Variants in SPATA6 observed in about 807,000 individuals in gnomAD.
SPATA6 encodes spermatogenesis associated 6, also known as spermatogenesis-associated protein 6.
SPATA6 carries 56 observed loss-of-function variants against 65.3 expected under a neutral mutation model. The observed-to-expected ratio is 0.86, with a 90% confidence interval of 0.69 to 1.07. The LOEUF (loss-of-function observed/expected upper bound fraction) is 1.07, where lower values mean the gene tolerates loss of function less well. Ranked by LOEUF, SPATA6 falls within the 50% of genes least tolerant of loss-of-function variation. The pLI is 0.00. For synonymous variants in SPATA6, 199 were observed against 213.2 expected, an observed-to-expected ratio of 0.93 and a Z score of 0.58; for missense variants, 590 against 594.8, an observed-to-expected ratio of 0.99 and a Z score of 0.08.
Position 48,395,228 on chromosome 1 carries a change from G to C in SPATA6, c.868+39C>G, listed in dbSNP as rs758546175. 20 of 1,438,024 alleles carry C rather than the reference G, an allele frequency of 1.4e-5. No individual in the cohort carries two copies. In the Admixed American group the frequency reaches 4.7e-4, roughly 34 times the overall value. The allele number at this position is 1,438,024 out of a possible 1,614,324, so 89.1% of individuals were successfully genotyped here. ...AAATTAAAGGCTTGATTGTAGCTCAGGCAACTACAGCAATGAATAAAGACA... is the reference window on the plus strand; with the variant it reads ...AAATTAAAGGCTTGATTGTAGCTCACGCAACTACAGCAATGAATAAAGACA... On this transcript the variant is annotated intron_variant, in intron 8 of 12. Coordinates refer to ENST00000371847, the MANE Select transcript of SPATA6 (RefSeq NM_019073.4).
chr1:48,395,816 C>A (rs1419258332), intron 7 of SPATA6, among the ~76,000 whole-genome samples: 2 of 151,702 alleles, frequency 1.3e-5, no homozygotes, highest in Non-Finnish European at 2.9e-5. Context: ...TAATAGTTAA[C>A]CACATTTCCT....
intron 7 of SPATA6, among the ~76,000 whole-genome samples, chr1:48,397,798 T>C (rs1228386487): frequency 6.6e-6 from 1 of 151,694 alleles, no homozygotes; most frequent in Non-Finnish European, 1.5e-5. Context: ...TTTCTGTTTA[T>C]TGAAAAGCTA....
At chr1:48,450,500 C>A (rs1038586891) in intron 3 of SPATA6, among the ~76,000 whole-genome samples, 1 of 152,042 alleles carries the variant, frequency 6.6e-6, no homozygotes, top group African/African-American at 2.4e-5. Context: ...TGTGTATCTT[C>A]ATTTTTTTCT....
chr1:48,355,646 C>CAAA, intron 11 of SPATA6, 24 bp downstream of exon 11: 1 of 1,553,690 alleles, frequency 6.4e-7, no homozygotes, highest in Non-Finnish European at 8.8e-7. Flanking sequence ...AAATAGTCTT[C>CAAA]AAAAAAAAAT....
chr1:48,467,148 TC>T (rs2148203103), intron 1 of SPATA6, among the ~76,000 whole-genome samples: 1 of 152,252 alleles, frequency 6.6e-6, no homozygotes, highest in East Asian at 1.9e-4. Flanking sequence ...AAAGTCACTT[TC>T]CTCTTAGCAA....
chr1:48,393,096 C>T (rs1231722751), intron 8 of SPATA6, among the ~76,000 whole-genome samples: 1 of 152,034 alleles, frequency 6.6e-6, no homozygotes, highest in East Asian at 1.9e-4. Context: ...CGAAAGGAGT[C>T]AAAGTTGAGG....
At chr1:48,377,938 C>T (rs1020727330) in intron 9 of SPATA6, among the ~76,000 whole-genome samples, 1 of 152,126 alleles carries the variant, frequency 6.6e-6, no homozygotes, top group African/African-American at 2.4e-5. Context: ...CAGGCCCAGG[C>T]ATTTAAGAAA....
At chr1:48,285,761 G>A in the SPATA6 span, among the ~76,000 whole-genome samples, 1 of 152,130 alleles carries the variant, frequency 6.6e-6, no homozygotes, top group Non-Finnish European at 1.5e-5. Flanking sequence ...CCCTCTGCAG[G>A]CTGCACCCAT....
intron 11 of SPATA6, among the ~76,000 whole-genome samples, chr1:48,334,276 T>C (rs1263400217): frequency 6.6e-6 from 1 of 151,684 alleles, no homozygotes; most frequent in Non-Finnish European, 1.5e-5. Context: ...CTCAACTCAT[T>C]CAATGAGGCC....
chr1:48,376,086 C>G (rs1036006926), intron 9 of SPATA6, among the ~76,000 whole-genome samples: 1 of 152,148 alleles, frequency 6.6e-6, no homozygotes, highest in Admixed American at 6.5e-5. Context: ...TTGAAAGATA[C>G]AGCATTTATC....
intron 9 of SPATA6, among the ~76,000 whole-genome samples, chr1:48,370,603 T>C (rs1286947179): frequency 1.3e-5 from 2 of 152,250 alleles, no homozygotes; most frequent in African/African-American, 2.4e-5. Context: ...TTCCCAAATA[T>C]ATCAGATCTT....
intron 8 of SPATA6, among the ~76,000 whole-genome samples, chr1:48,388,289 G>T (rs1034321534): frequency 1.3e-5 from 2 of 151,012 alleles, no homozygotes; most frequent in African/African-American, 4.9e-5. Context: ...CCCAGAAAAA[G>T]GCCAAAGTGC....
chr1:48,356,375 G>A (rs1039860140), intron 10 of SPATA6, among the ~76,000 whole-genome samples: 2 of 150,002 alleles, frequency 1.3e-5, no homozygotes, highest in Non-Finnish European at 3.0e-5. Flanking sequence ...ATAGATAAAC[G>A]ACTTTATTTC....
chr1:48,375,038 A>G (rs1291248293), intron 9 of SPATA6, among the ~76,000 whole-genome samples: 1 of 152,168 alleles, frequency 6.6e-6, no homozygotes, highest in Non-Finnish European at 1.5e-5. Context: ...GAAGTCCAAT[A>G]AGATCAAATA....
At chr1:48,309,074 T>C (rs1645133929) in intron 11 of SPATA6, among the ~76,000 whole-genome samples, 1 of 152,058 alleles carries the variant, frequency 6.6e-6, no homozygotes, top group Non-Finnish European at 1.5e-5. Context: ...AGACTTACGG[T>C]TTATAATGAG....
downstream of SPATA6, among the ~76,000 whole-genome samples, chr1:48,293,217 C>A (rs569292960): frequency 6.6e-6 from 1 of 152,296 alleles, no homozygotes; most frequent in East Asian, 1.9e-4. Context: ...GCAGTACCCA[C>A]AAATTGTGAA....
intron 11 of SPATA6, among the ~76,000 whole-genome samples, chr1:48,320,100 A>T (rs1404044160): frequency 6.6e-6 from 1 of 152,192 alleles, no homozygotes; most frequent in East Asian, 1.9e-4. Context: ...CTCCTACAAC[A>T]GTCACCACCA....
intron 11 of SPATA6, among the ~76,000 whole-genome samples, chr1:48,312,061 G>A (rs545455633): frequency 4.6e-5 from 7 of 152,284 alleles, no homozygotes; most frequent in East Asian, 1.9e-4. Flanking sequence ...TAAACAAAGC[G>A]GCCAGGAAGC....
the SPATA6 span, among the ~76,000 whole-genome samples, chr1:48,287,821 T>C: frequency 6.6e-6 from 1 of 152,212 alleles, no homozygotes; most frequent in African/African-American, 2.4e-5. Flanking sequence ...ACTAACACAC[T>C]GGGACTTCCA....
Sources: allele counts gnomAD v4.1 joint callset (sites outside exome capture counted in the v4.1 genomes callset), GRCh38; gene constraint gnomAD v4.1.1; transcripts MANE v1.5; gene names NCBI Gene and HGNC (gene_info 2026-07-23, HGNC 2026-07-21).